Variants in UBASH3B observed in about 807,000 individuals in gnomAD.
UBASH3B encodes ubiquitin associated and SH3 domain containing B, also known as ubiquitin-associated and SH3 domain-containing protein B.
UBASH3B carries 37 observed loss-of-function variants against 83.4 expected under a neutral mutation model. The observed-to-expected ratio is 0.44, with a 90% CI of 0.34 to 0.58. The LOEUF is 0.58. UBASH3B is among the 20% of genes least tolerant of loss of function. The pLI is 0.01. For synonymous variants in UBASH3B, 304 were observed against 318.3 expected, an observed-to-expected ratio of 0.96 and a Z score of 0.48; for missense variants, 657 against 827.2, an observed-to-expected ratio of 0.79 and a Z score of 2.52.
chr11:122,687,353 C>T (rs1863822405), intron 1 of UBASH3B, among the ~76,000 whole-genome samples: 1 of 152,186 alleles, frequency 6.6e-6, no homozygotes, highest in African/African-American at 2.4e-5. Flanking sequence ...TTGCCTGATT[C>T]TTATTTAGCA....
intron 1 of UBASH3B, among the ~76,000 whole-genome samples, chr11:122,768,722 T>C (rs773671255): frequency 4.6e-5 from 7 of 152,104 alleles, no homozygotes; most frequent in African/African-American, 9.7e-5. Context: ...ACCAGGCTGG[T>C]CTCAAACTCC....
intron 1 of UBASH3B, among the ~76,000 whole-genome samples, chr11:122,695,231 T>C (rs914972920): frequency 5.3e-5 from 8 of 152,166 alleles, no homozygotes; most frequent in African/African-American, 1.9e-4. Flanking sequence ...CCCAAAGTGC[T>C]GGGATTGCAG....
At chr11:122,744,030 GC>G (rs900148165) in intron 1 of UBASH3B, among the ~76,000 whole-genome samples, 2 of 152,234 alleles carry the variant, frequency 1.3e-5, no homozygotes, top group Admixed American at 1.3e-4. Context: ...GCCTCATGCA[GC>G]CCAGCTCTCC....
chr11:122,716,573 C>G (rs184702670), intron 1 of UBASH3B, among the ~76,000 whole-genome samples: 7 of 152,268 alleles, frequency 4.6e-5, no homozygotes, highest in Non-Finnish European at 8.8e-5. Context: ...GCTGTCCACC[C>G]AGAGACTTGG....
intron 1 of UBASH3B, among the ~76,000 whole-genome samples, chr11:122,722,464 G>C (rs947761475): frequency 6.6e-6 from 1 of 152,180 alleles, no homozygotes; most frequent in Non-Finnish European, 1.5e-5. Context: ...ATGTCTGTGT[G>C]TCTCTGGATA....
At chr11:122,786,433 G>T (rs565207328) in intron 5 of UBASH3B, among the ~76,000 whole-genome samples, 3 of 152,036 alleles carry the variant, frequency 2.0e-5, no homozygotes, top group Non-Finnish European at 4.4e-5. Context: ...GAGGCAGGCA[G>T]ATCACCTGAG....
chr11:122,796,783 G>C, intron 8 of UBASH3B, 128 bp from the exon 9 acceptor site: 1 of 1,256,220 alleles, frequency 8.0e-7, no homozygotes, highest in Non-Finnish European at 1.1e-6. Flanking sequence ...TTTTCTATCA[G>C]CTCCAGAGAG....
chr11:122,788,985 G>T, intron 5 of UBASH3B, 115 bp from the exon 6 acceptor site: 1 of 954,290 alleles, frequency 1.0e-6, no homozygotes, highest in Non-Finnish European at 1.6e-6. Flanking sequence ...AGGGCTCCTG[G>T]GCACATCGCC....
intron 1 of UBASH3B, among the ~76,000 whole-genome samples, chr11:122,724,783 G>A (rs948650729): frequency 6.6e-6 from 1 of 152,058 alleles, no homozygotes; most frequent in Admixed American, 6.5e-5. Flanking sequence ...GGAATGTGCT[G>A]CATGAAAAGG....
intron 1 of UBASH3B, among the ~76,000 whole-genome samples, chr11:122,699,330 C>T (rs928202399): frequency 6.6e-6 from 1 of 152,124 alleles, no homozygotes; most frequent in Non-Finnish European, 1.5e-5. Flanking sequence ...AGGAGTGTGG[C>T]ACGTGGAGTC....
chr11:122,752,887 G>T (rs964656707), intron 1 of UBASH3B, among the ~76,000 whole-genome samples: 3 of 152,020 alleles, frequency 2.0e-5, no homozygotes, highest in Middle Eastern at 3.2e-3. Flanking sequence ...AACCTTTGAG[G>T]ATAGTATTAT....
chr11:122,725,340 A>AAAG (rs1555140835), intron 1 of UBASH3B, among the ~76,000 whole-genome samples: 5 of 135,174 alleles, frequency 3.7e-5, no homozygotes, highest in South Asian at 2.4e-4. Flanking sequence ...AAAAAAAAAA[A>AAAG]AAAAGAAAAG....
At position 122,810,893 on chromosome 11, in the gene UBASH3B, A is replaced by G. The variant is rs776516160; in HGVS notation, c.*1007A>G. The stretch of plus-strand genomic sequence containing the variant: ...CATACCAAGGGTCAGGTTGTTGTAC[A>G]CTTACAGTACGTGTCAACCATAATG... On this transcript the variant is annotated 3_prime_UTR_variant, in exon 14 of 14. Transcript: ENST00000284273. 5.3e-5 allele frequency: 8 copies of G among 152,212 alleles called. No homozygotes were observed. Among genetic ancestry groups the G allele is most frequent in the Non-Finnish European group, 1.0e-4 (7 of 68,042 alleles). The allele number at this position is 152,212 out of a possible 1,614,324, so 9.4% of individuals were successfully genotyped here. A position where few individuals can be genotyped will look rare whatever the true frequency, so the allele number is the denominator to read the frequency against.
chr11:122,689,491 A>G (rs992420173), intron 1 of UBASH3B, among the ~76,000 whole-genome samples: 1 of 152,232 alleles, frequency 6.6e-6, no homozygotes, highest in African/African-American at 2.4e-5. Context: ...GGTTGTTTCC[A>G]GAAAACTCTC....
intron 3 of UBASH3B, among the ~76,000 whole-genome samples, chr11:122,778,590 A>ATTTTTTTT (rs138539169): frequency 8.5e-6 from 1 of 118,076 alleles, no homozygotes; most frequent in African/African-American, 3.2e-5. Context: ...GAGAACTTTG[A>ATTTTTTTT]TTTTTTTTTT....
intron 1 of UBASH3B, among the ~76,000 whole-genome samples, chr11:122,773,265 G>A (rs1441035140): frequency 2.0e-5 from 3 of 152,234 alleles, no homozygotes; most frequent in African/African-American, 4.8e-5. Context: ...TGGAGAGGGA[G>A]ACACATGTTC....
At position 122,806,414 on chromosome 11, in the gene UBASH3B, C is replaced by T; in HGVS notation, c.1600C>T (p.His534Tyr). 5 of 1,601,588 alleles carry T rather than the reference C, an allele frequency of 3.1e-6. No individual in the cohort carries two copies. The highest frequency in any genetic ancestry group is 4.3e-6 in the Non-Finnish European group (5 of 1,176,280). ...NLSVDTTYRP[H>Y]IPISKLVVSE... ...TTGTTCATTTTTCTATTACAGACCT[C>T]ACATTCCAATCAGCAAATTAGTTGT... Residue 534 changes from histidine to tyrosine, a missense_variant, in exon 12 of 14, where the codon CAC becomes TAC. Physicochemically the swap from His to Tyr is moderately conservative, Grantham distance 83. Coordinates refer to ENST00000284273, the MANE Select transcript of UBASH3B (RefSeq NM_032873.5). This position sits in a 1 kb window ranked among gnomAD's most constrained non-coding sequence, Gnocchi z 4.0.
rs767035692 is a variant in UBASH3B at position 122,806,517 on chromosome 11, G to A, written c.1702+1G>A. The stretch of plus-strand genomic sequence containing the variant: ...ATAATAAGTGAATGTAAAAGTAAAG[G>A]TAAGTGGTATTATTCTGAACTCCAT... On this transcript the variant is annotated splice_donor_variant, in intron 12 of 13. Coordinates refer to ENST00000284273, the MANE Select transcript of UBASH3B (RefSeq NM_032873.5). LOFTEE classifies it high-confidence loss of function. This position sits in a 1 kb window ranked among gnomAD's most constrained non-coding sequence, Gnocchi z 4.0. The A allele has an allele frequency of 6.2e-7, 1 of 1,600,384 alleles. No homozygotes were observed. Among genetic ancestry groups the A allele is most frequent in the South Asian group, 1.1e-5 (1 of 87,198 alleles).
intron 1 of UBASH3B, among the ~76,000 whole-genome samples, chr11:122,724,972 A>G (rs1373161184): frequency 6.6e-6 from 1 of 152,020 alleles, no homozygotes; most frequent in Non-Finnish European, 1.5e-5. Flanking sequence ...TTTATTTTTG[A>G]GACAGAGTCT....
Sources: gnomAD v4.1 joint callset for allele counts (sites outside exome capture counted in the v4.1 genomes callset) on GRCh38, gnomAD v4.1.1 for gene constraint, Gnocchi (gnomAD v3.1) non-coding constraint, MANE v1.5 for transcripts, NCBI Gene and HGNC (gene_info 2026-07-23, HGNC 2026-07-21) for gene names.